The following KCNMB2 variants were observed in gnomAD, a reference collection of about 807,000 sequenced individuals.
KCNMB2 encodes calcium-activated potassium channel subunit beta-2.
A neutral mutation model predicts 24.5 loss-of-function variants in KCNMB2; 9 were observed. That is an observed-to-expected ratio of 0.37 (90% CI 0.22 to 0.64). The LOEUF is 0.64. Ranked by LOEUF, KCNMB2 falls within the 30% of genes least tolerant of loss-of-function variation. The pLI is 0.63. For synonymous variants in KCNMB2, 109 were observed against 104.4 expected (o/e 1.04, Z -0.27); for missense variants, 226 against 284.3 (o/e 0.79, Z 1.47).
chr3:178,666,956 C>A (rs1474899804), intron 1 of KCNMB2, among the ~76,000 whole-genome samples: 1 of 152,132 alleles, frequency 6.6e-6, no homozygotes, highest in South Asian at 2.1e-4. Flanking sequence ...ACATAACCTA[C>A]ACAAGTTTTC....
intron 1 of KCNMB2, among the ~76,000 whole-genome samples, chr3:178,587,501 G>A (rs1032277665): frequency 6.6e-6 from 1 of 152,046 alleles, no homozygotes; most frequent in African/African-American, 2.4e-5. Flanking sequence ...TTGGCTCACT[G>A]CAACCTCCGC....
At chr3:178,821,261 A>G (rs1277089476) in intron 2 of KCNMB2, among the ~76,000 whole-genome samples, 1 of 152,234 alleles carries the variant, frequency 6.6e-6, no homozygotes, top group Non-Finnish European at 1.5e-5. Context: ...ACACATTACA[A>G]GGCTTCCTAG....
chr3:178,576,112 G>A (rs2108483170), intron 1 of KCNMB2, among the ~76,000 whole-genome samples: 1 of 152,152 alleles, frequency 6.6e-6, no homozygotes, highest in African/African-American at 2.4e-5. Context: ...CAATGCAGAA[G>A]GCGGGTGATT....
At chr3:178,610,787 A>G (rs1327157681) in intron 1 of KCNMB2, among the ~76,000 whole-genome samples, 1 of 152,190 alleles carries the variant, frequency 6.6e-6, no homozygotes, top group East Asian at 1.9e-4. Flanking sequence ...ACTATTTTGA[A>G]TAGAATCCTT....
At chr3:178,709,498 G>C (rs943553764) in intron 1 of KCNMB2, among the ~76,000 whole-genome samples, 2 of 152,148 alleles carry the variant, frequency 1.3e-5, no homozygotes, top group Admixed American at 1.3e-4. Context: ...TCAGTGCTAG[G>C]TCAATAGCAA....
At chr3:178,638,321 T>C (rs2108545783) in intron 1 of KCNMB2, among the ~76,000 whole-genome samples, 1 of 152,276 alleles carries the variant, frequency 6.6e-6, no homozygotes, top group East Asian at 1.9e-4. Context: ...TTTTGGTTCA[T>C]TTCCTTCTAA....
At chr3:178,657,822 G>A (rs1383001632) in intron 1 of KCNMB2, among the ~76,000 whole-genome samples, 1 of 152,204 alleles carries the variant, frequency 6.6e-6, no homozygotes, top group Non-Finnish European at 1.5e-5. Flanking sequence ...GTTCAAAAGA[G>A]AACAAACACA....
chr3:178,701,579 C>A (rs9799239), intron 1 of KCNMB2, among the ~76,000 whole-genome samples: 47,215 of 149,928 alleles, frequency 0.31, 7,887 homozygotes, highest in African/African-American at 0.43. Flanking sequence ...AAGAAAAAAA[C>A]AAACAACCCC....
intron 1 of KCNMB2, among the ~76,000 whole-genome samples, chr3:178,617,093 T>A (rs1718733138): frequency 6.6e-6 from 1 of 152,212 alleles, no homozygotes; most frequent in Non-Finnish European, 1.5e-5. Flanking sequence ...TTGCGTGTGT[T>A]TTTTATTTTT....
In KCNMB2 at chr3:178,655,138, C is replaced by CTCTCTA. The variant is rs1198431417; in HGVS notation, c.-68+118435_-68+118440dup. On this transcript the variant is annotated intron_variant, in intron 1 of 4. Coordinates refer to ENST00000452583, the MANE Select transcript of KCNMB2 (RefSeq NM_181361.3). ...TCTCTCTCTCTCTCTCTCTCTCTCTCTCTCTATCTCTATTTCTCTGGGACT... is the reference window on the plus strand; with the variant it reads ...TCTCTCTCTCTCTCTCTCTCTCTCTCTCTCTATCTCTATCTCTATTTCTCTGGGACT... 1.2e-3 allele frequency among the ~76,000 whole-genome samples: 169 copies of CTCTCTA among 137,710 alleles called. 1 individual carries two copies. The highest frequency in any genetic ancestry group is 3.7e-3 in the Middle Eastern group (1 of 272). The allele number at this position is 137,710 out of a possible 152,430, so 90.3% of individuals were successfully genotyped here.
At chr3:178,724,669 T>C (rs994095165) in intron 1 of KCNMB2, among the ~76,000 whole-genome samples, 21 of 152,318 alleles carry the variant, frequency 1.4e-4, no homozygotes, top group African/African-American at 4.1e-4. Context: ...CCATCTTGCG[T>C]TAATTTTTGC....
At chr3:178,654,544 C>CA (rs1175327222) in intron 1 of KCNMB2, among the ~76,000 whole-genome samples, 1 of 152,124 alleles carries the variant, frequency 6.6e-6, no homozygotes, top group Non-Finnish European at 1.5e-5. Context: ...AAAACCACAA[C>CA]AAAAATTGGT....
chr3:178,599,973 G>T, intron 1 of KCNMB2, among the ~76,000 whole-genome samples: 1 of 152,180 alleles, frequency 6.6e-6, no homozygotes, highest in East Asian at 1.9e-4. Context: ...CACTTCCTGG[G>T]TTTAAACGAT....
At position 178,654,167 on chromosome 3, in the gene KCNMB2, A is replaced by T. The variant is rs200278199; in HGVS notation, c.-68+117456A>T. ...ATTATTCTTATTATATTATAAACTT[A>T]TTTTATATCTGTGACTATTTCCCTT... On this transcript the variant is annotated intron_variant, in intron 1 of 4. Coordinates refer to ENST00000452583, the MANE Select transcript of KCNMB2 (RefSeq NM_181361.3). Among the ~76,000 whole-genome samples, 21 of 152,142 alleles carry T rather than the reference A, an allele frequency of 1.4e-4. No individual in the cohort carries two copies. In the East Asian group the frequency reaches 4.0e-3, roughly 29 times the overall value.
At chr3:178,766,265 C>A (rs1417100330) in intron 1 of KCNMB2, among the ~76,000 whole-genome samples, 1 of 152,122 alleles carries the variant, frequency 6.6e-6, no homozygotes, top group Non-Finnish European at 1.5e-5. Context: ...GCCATTATAG[C>A]GCCCTATACC....
chr3:178,669,305 G>A (rs1352610671), intron 1 of KCNMB2, among the ~76,000 whole-genome samples: 2 of 151,950 alleles, frequency 1.3e-5, no homozygotes, highest in East Asian at 1.9e-4. Flanking sequence ...TAACAGAAGA[G>A]GACAGACAAA....
rs1711939674 is a variant in KCNMB2 at position 178,762,397 on chromosome 3, G to A, written c.-67-44946G>A. On this transcript the variant is annotated intron_variant, in intron 1 of 4. Coordinates refer to ENST00000452583, the MANE Select transcript of KCNMB2 (RefSeq NM_181361.3). The stretch of plus-strand genomic sequence containing the variant: ...GAGAAGACGTGGCATGTCCAGTGTG[G>A]CTATATCCCAGTAAGAAAAGGAGTA... Among the ~76,000 whole-genome samples the A allele has an allele frequency of 2.6e-5, 4 of 152,258 alleles. No homozygotes were observed. In the South Asian group the frequency reaches 6.2e-4, roughly 24 times the overall value.
chr3:178,594,507 G>A (rs1717794882), intron 1 of KCNMB2, among the ~76,000 whole-genome samples: 1 of 152,048 alleles, frequency 6.6e-6, no homozygotes, highest in African/African-American at 2.4e-5. Flanking sequence ...CATGTTTGGG[G>A]TCAAAGGAAT....
intron 1 of KCNMB2, among the ~76,000 whole-genome samples, chr3:178,567,930 G>A (rs756656246): frequency 1.3e-5 from 2 of 152,084 alleles, no homozygotes; most frequent in Non-Finnish European, 2.9e-5. Flanking sequence ...AGTACACTAG[G>A]TCTAAATGAA....
Sources: gnomAD v4.1 joint callset for allele counts (sites outside exome capture counted in the v4.1 genomes callset) on GRCh38, gnomAD v4.1.1 for gene constraint, MANE v1.5 for transcripts, NCBI Gene and HGNC (gene_info 2026-07-23, HGNC 2026-07-21) for gene names.